Variants in SREK1 observed in about 807,000 individuals in gnomAD.
The protein encoded by SREK1 is splicing regulatory glutamic acid and lysine rich protein 1.
SREK1 carries 13 observed loss-of-function variants against 66.5 expected under a neutral mutation model. The ratio of observed to expected loss-of-function variants is 0.20; its 90% CI spans 0.13 to 0.31. SREK1 has a LOEUF of 0.31. Ranked by LOEUF, SREK1 falls within the 10% of genes least tolerant of loss-of-function variation. SREK1 has a pLI of 1.00. For missense variants in SREK1, 607 were observed against 769.6 expected, an observed-to-expected ratio of 0.79 and a Z score of 2.50; for synonymous variants, 265 against 263.5, an observed-to-expected ratio of 1.01 and a Z score of -0.05.
chr5:66,179,440 A>G lies in SREK1; in HGVS notation c.*572A>G, dbSNP rs1018027607. 2 of 152,466 alleles carry G rather than the reference A, an allele frequency of 1.3e-5. No homozygotes were observed. Among genetic ancestry groups the G allele is most frequent in the African/African-American group, 4.8e-5 (2 of 41,414 alleles). 9.4% of individuals were successfully genotyped at this position (152,466 alleles called of 1,614,324 possible). A position where few individuals can be genotyped will look rare whatever the true frequency, so the allele number is the denominator to read the frequency against. ...TTTCTTTTGCTCACTGTTTAGGACA[A>G]TTTTTCTTTAAAATAGTTTTGCAGA... is the stretch of plus-strand genomic sequence containing the variant. On this transcript the variant is annotated 3_prime_UTR_variant, in exon 12 of 12. Transcript: ENST00000334121.
intron 3 of SREK1, 24 bp from the exon 4 acceptor site, chr5:66,162,085 G>A: frequency 6.2e-7 from 1 of 1,604,536 alleles, no homozygotes; most frequent in Non-Finnish European, 8.5e-7. Flanking sequence ...TGTGTTCTGT[G>A]TGTTTTTTTT....
In SREK1 at chr5:66,162,535, A is replaced by G. The variant is rs1200515447; in HGVS notation, c.698A>G (p.Asn233Ser). 2 of 1,614,002 alleles carry G rather than the reference A, an allele frequency of 1.2e-6. No individual in the cohort carries two copies. Among genetic ancestry groups the G allele is most frequent in the East Asian group, 4.5e-5 (2 of 44,888 alleles). Residue 233 changes from asparagine (N) to serine (S), a missense_variant, in exon 5 of 12, where the codon AAT becomes AGT. This residue lies in a region of SREK1 where 112 missense variants were observed against 168.6 expected (regional missense o/e 0.66). Transcript: ENST00000334121. ...GCTTTTGTGGAATTTGCAGACCAAA[A>G]TTCTGTACCAAGGGCCCTTGCTTTT... Reference protein sequence around the residue: ...RFAFVEFADQNSVPRALAFNG... With the variant: ...RFAFVEFADQSSVPRALAFNG...
At position 66,178,768 on chromosome 5, in the gene SREK1, A is replaced by G. The variant is rs1251040322; in HGVS notation, c.1775A>G (p.Asp592Gly). The G allele has an allele frequency of 1.2e-6, 2 of 1,612,596 alleles. No individual in the cohort carries two copies. The highest frequency in any genetic ancestry group is 1.7e-5 in the Admixed American group (1 of 59,906). ...EPDSSVSKEVDDKDAPRTEEN... is the reference protein window; with the variant it reads ...EPDSSVSKEVGDKDAPRTEEN... Reference sequence around the variant, plus strand: ...GATTCAAGTGTGAGCAAAGAAGTAGATGACAAGGATGCACCAAGGACTGAG... The same window carrying G: ...GATTCAAGTGTGAGCAAAGAAGTAGGTGACAAGGATGCACCAAGGACTGAG... The change falls in exon 12 of 12, where the codon GAT becomes GGT. Residue 592 changes from aspartate to glycine, a missense_variant. Around this residue, in one of 5 missense-constraint regions of SREK1, gnomAD observed 318 missense variants for 310.3 expected, o/e 1.02. Transcript: ENST00000334121.
chr5:66,148,114 C>G (rs1387729798), intron 1 of SREK1, among the ~76,000 whole-genome samples: 1 of 151,944 alleles, frequency 6.6e-6, no homozygotes, highest in Non-Finnish European at 1.5e-5. Context: ...GGCCTGTTGG[C>G]ATTTAGTGGG....
At chr5:66,158,210 C>T (rs1263374687) in intron 2 of SREK1, 1 of 151,294 alleles carries the variant, frequency 6.6e-6, no homozygotes, top group African/African-American at 2.4e-5. Context: ...AATGAATATG[C>T]CAAATCGTAC....
chr5:66,155,988 A>C, intron 2 of SREK1: 1 of 1,531,262 alleles, frequency 6.5e-7, no homozygotes, highest in African/African-American at 1.4e-5. Context: ...CTTTATGTCC[A>C]CATTTTCTGG....
At chr5:66,155,967 A>G in intron 2 of SREK1, 6 of 1,503,922 alleles carry the variant, frequency 4.0e-6, no homozygotes, top group Admixed American at 2.0e-5. Flanking sequence ...CAGCCTAATC[A>G]TCAGTCATAA....
intron 2 of SREK1, chr5:66,158,662 T>TA (rs1561500262): frequency 1.9e-6 from 1 of 538,210 alleles, no homozygotes; most frequent in Non-Finnish European, 2.9e-6. Flanking sequence ...AGTAACAGGA[T>TA]AGGGGCACTC....
At chr5:66,149,819 C>T (rs1379393752) in intron 1 of SREK1, among the ~76,000 whole-genome samples, 2 of 151,980 alleles carry the variant, frequency 1.3e-5, no homozygotes, top group African/African-American at 2.4e-5. Context: ...CAAGGTACAT[C>T]GAGAAGAGAC....
In SREK1 at chr5:66,153,313, T is replaced by C; in HGVS notation, c.162-150T>C. On this transcript the variant is annotated intron_variant, in intron 1 of 11. Transcript: ENST00000334121. ...TCACCATTAAATGACTAAGTTTCAC[T>C]GTTTTATGTGTTAATGATCCTTAAT... 4 of 955,794 alleles carry C rather than the reference T, an allele frequency of 4.2e-6. No individual in the cohort carries two copies. The South Asian group carries it at 7.6e-5, about 18-fold the overall frequency. 59.2% of individuals were successfully genotyped at this position (955,794 alleles called of 1,614,324 possible).
chr5:66,144,610 A>C, intron 1 of SREK1, 73 bp downstream of exon 1: 1 of 1,476,394 alleles, frequency 6.8e-7, no homozygotes, highest in East Asian at 2.5e-5. Context: ...CGTGGAGGAG[A>C]GCGCGGACGC....
chr5:66,174,683 C>T (rs1294258307), intron 9 of SREK1: 5 of 266,082 alleles, frequency 1.9e-5, no homozygotes, highest in African/African-American at 2.2e-5. Context: ...TTCAAATAAA[C>T]GAGGTGAAAA....
At chr5:66,145,085 G>A (rs1409072901) in intron 1 of SREK1, 3 of 985,600 alleles carry the variant, frequency 3.0e-6, no homozygotes, top group Non-Finnish European at 3.6e-6. Context: ...CTAACCGAGC[G>A]CATCCATGTT....
At chr5:66,159,975 A>G (rs891945907) in intron 3 of SREK1, among the ~76,000 whole-genome samples, 5 of 152,114 alleles carry the variant, frequency 3.3e-5, no homozygotes, top group African/African-American at 1.2e-4. Flanking sequence ...CTAAAAATAC[A>G]AAAACTTCTC....
chr5:66,149,500 TC>T (rs1743576147), intron 1 of SREK1, among the ~76,000 whole-genome samples: 1 of 152,258 alleles, frequency 6.6e-6, no homozygotes, highest in Non-Finnish European at 1.5e-5. Context: ...TGGCATGTCT[TC>T]AGATGTAGTT....
intron 2 of SREK1, chr5:66,156,591 C>G (rs548090740): frequency 2.0e-6 from 2 of 985,446 alleles, no homozygotes; most frequent in South Asian, 9.4e-5. Context: ...TTTTTCCCCC[C>G]TAGTCTACAT....
chr5:66,164,741 A>G (rs770340372), intron 6 of SREK1, 42 bp from the exon 7 acceptor site: 7 of 1,613,352 alleles, frequency 4.3e-6, no homozygotes, highest in Middle Eastern at 1.6e-4. Context: ...GGGATCTTTA[A>G]TTGTTCTGAG....
At position 66,170,724 on chromosome 5, in the gene SREK1, C is replaced by T. The variant is rs944777046; in HGVS notation, c.1261C>T (p.Arg421Trp). Residue 421 changes from arginine (R) to tryptophan (W), a missense_variant, in exon 9 of 12, where the codon CGG (arginine) becomes TGG (tryptophan). Around this residue, in one of 5 missense-constraint regions of SREK1, gnomAD observed 318 missense variants for 310.3 expected, o/e 1.02. Coordinates refer to ENST00000334121, the MANE Select transcript of SREK1 (RefSeq NM_001077199.3). Reference protein sequence around the residue: ...RGKNKDRDKEREKDREKDKEK... With the variant: ...RGKNKDRDKEWEKDREKDKEK... ...TAAAAACAAAGACCGGGACAAGGAA[C>T]GGGAAAAGGACCGGGAAAAAGACAA... is the stretch of plus-strand genomic sequence containing the variant. 8 of 1,600,374 alleles carry T rather than the reference C, an allele frequency of 5.0e-6. No homozygotes were observed. The highest frequency in any genetic ancestry group is 2.7e-5 in the African/African-American group (2 of 73,516).
chr5:66,174,414 C>G (rs1371551019), intron 9 of SREK1, among the ~76,000 whole-genome samples: 2 of 152,030 alleles, frequency 1.3e-5, no homozygotes, highest in African/African-American at 2.4e-5. Context: ...CAATTTCTCT[C>G]TAAAATGATA....
Sources: allele counts gnomAD v4.1 joint callset (sites outside exome capture counted in the v4.1 genomes callset), GRCh38; gene constraint gnomAD v4.1.1; regional missense constraint gnomAD v4.1.1; transcripts MANE v1.5; gene names NCBI Gene and HGNC (gene_info 2026-07-23, HGNC 2026-07-21).